Variants in PRKG1 observed in about 807,000 individuals in gnomAD.
PRKG1 encodes the protein protein kinase cGMP-dependent 1.
A neutral mutation model predicts 88.1 loss-of-function variants in PRKG1; 35 were observed. The observed-to-expected ratio is 0.40, with a 90% confidence interval of 0.30 to 0.53. The LOEUF is 0.53. Among genes scored for constraint, PRKG1 ranks in the 20% least tolerant of loss-of-function variants. The probability of loss-of-function intolerance (pLI) is 0.59; values close to 1 mark genes in which losing one functional copy is unlikely to be tolerated. For missense variants in PRKG1, 540 were observed against 839.8 expected (o/e 0.64, Z 4.41); for synonymous variants, 303 against 292.5 (o/e 1.04, Z -0.37).
At chr10:51,442,537 A>G (rs1183779439) in intron 2 of PRKG1, among the ~76,000 whole-genome samples, 1 of 152,048 alleles carries the variant, frequency 6.6e-6, no homozygotes, top group Admixed American at 6.6e-5. Flanking sequence ...ATGACAGTTA[A>G]GATGAGTGAA....
Position 51,106,159 on chromosome 10 carries a change from C to T in PRKG1, c.311+31258C>T, listed in dbSNP as rs192427797. 2.8e-3 allele frequency among the ~76,000 whole-genome samples: 429 copies of T among 152,272 alleles called. 1 individual carries two copies. Among genetic ancestry groups the T allele is most frequent in the Non-Finnish European group, 3.7e-3 (249 of 68,010 alleles). The stretch of plus-strand genomic sequence containing the variant: ...ACTGAATTTTGGATGAGTTATTAAG[C>T]CTCTCTATGCCTCAGTTTCCTTAAT... On this transcript the variant is annotated intron_variant, in intron 1 of 17. Transcript: ENST00000373980.
chr10:51,133,844 A>G (rs1726403054), intron 1 of PRKG1, among the ~76,000 whole-genome samples: 2 of 152,234 alleles, frequency 1.3e-5, no homozygotes, highest in Admixed American at 6.5e-5. Flanking sequence ...TTTTGTGAAA[A>G]AATATATTAA....
chr10:51,898,339 T>C (rs1196184623), intron 4 of PRKG1, among the ~76,000 whole-genome samples: 3 of 152,046 alleles, frequency 2.0e-5, no homozygotes, highest in Non-Finnish European at 4.4e-5. Flanking sequence ...GATATAGATG[T>C]ATATTTAAAA....
chr10:51,409,659 C>A (rs540068082), intron 2 of PRKG1, among the ~76,000 whole-genome samples: 1 of 151,740 alleles, frequency 6.6e-6, no homozygotes, highest in Non-Finnish European at 1.5e-5. Context: ...TCAAGATCAT[C>A]CTGGTCTACA....
chr10:51,388,485 G>A (rs923701803), intron 2 of PRKG1, among the ~76,000 whole-genome samples: 2 of 152,024 alleles, frequency 1.3e-5, no homozygotes, highest in African/African-American at 4.8e-5. Flanking sequence ...ATAGTCTTGA[G>A]CCTCAAGTTA....
At chr10:51,907,110 C>T (rs1842102811) in intron 4 of PRKG1, among the ~76,000 whole-genome samples, 1 of 152,098 alleles carries the variant, frequency 6.6e-6, no homozygotes, top group Non-Finnish European at 1.5e-5. Flanking sequence ...ATGGCCTGAA[C>T]TAGTTTTTCA....
intron 2 of PRKG1, among the ~76,000 whole-genome samples, chr10:51,191,897 T>C (rs1359028190): frequency 6.6e-6 from 1 of 151,772 alleles, no homozygotes; most frequent in East Asian, 1.9e-4. Flanking sequence ...GGATCTACTT[T>C]AATACAAAAT....
At chr10:51,949,196 G>A (rs1216542295) in intron 5 of PRKG1, among the ~76,000 whole-genome samples, 1 of 152,064 alleles carries the variant, frequency 6.6e-6, no homozygotes, top group East Asian at 1.9e-4. Context: ...AAACAAAATA[G>A]CATATATGTT....
At chr10:51,990,403 C>A (rs1844273942) in intron 5 of PRKG1, among the ~76,000 whole-genome samples, 1 of 152,044 alleles carries the variant, frequency 6.6e-6, no homozygotes, top group African/African-American at 2.4e-5. Flanking sequence ...TGTATTGAAT[C>A]TGTAGATAGC....
intron 4 of PRKG1, among the ~76,000 whole-genome samples, chr10:51,873,161 T>C (rs1055579294): frequency 6.6e-6 from 1 of 152,186 alleles, no homozygotes; most frequent in African/African-American, 2.4e-5. Context: ...TTAAACATGA[T>C]AAATATCATT....
intron 4 of PRKG1, among the ~76,000 whole-genome samples, chr10:51,905,420 G>T (rs572296913): frequency 6.6e-6 from 1 of 152,006 alleles, no homozygotes; most frequent in Non-Finnish European, 1.5e-5. Context: ...TTCTTTTATG[G>T]TATCATTGTA....
At chr10:51,110,206 T>C (rs943627149) in intron 1 of PRKG1, among the ~76,000 whole-genome samples, 2 of 152,116 alleles carry the variant, frequency 1.3e-5, no homozygotes, top group African/African-American at 4.8e-5. Context: ...CCTGTGTATT[T>C]ACCCAAGAGA....
chr10:51,601,721 A>ATTTTTTTTTTTTTTTT (rs749205610), intron 3 of PRKG1, among the ~76,000 whole-genome samples: 9 of 43,574 alleles, frequency 2.1e-4, no homozygotes, highest in Non-Finnish European at 2.7e-4. Context: ...GGCAGATTGA[A>ATTTTTTTTTTTTTTTT]TTTTTTTTTT....
chr10:52,162,273 C>T (rs999331997), intron 9 of PRKG1, among the ~76,000 whole-genome samples: 4 of 151,996 alleles, frequency 2.6e-5, no homozygotes, highest in Non-Finnish European at 5.9e-5. Context: ...ACTTTCTGAA[C>T]AAATGGTGGT....
chr10:51,906,892 T>C (rs1180642256), intron 4 of PRKG1, among the ~76,000 whole-genome samples: 2 of 152,220 alleles, frequency 1.3e-5, no homozygotes, highest in Non-Finnish European at 1.5e-5. Context: ...ATGCTATCTG[T>C]CATGTGATTC....
chr10:51,612,185 A>G (rs1461030635), intron 3 of PRKG1, among the ~76,000 whole-genome samples: 1 of 152,034 alleles, frequency 6.6e-6, no homozygotes, highest in Non-Finnish European at 1.5e-5. Flanking sequence ...AAATGACATT[A>G]GTATTTTCAT....
chr10:52,124,772 ATTT>A (rs1291929290), intron 7 of PRKG1, among the ~76,000 whole-genome samples: 1 of 152,030 alleles, frequency 6.6e-6, no homozygotes, highest in Non-Finnish European at 1.5e-5. Flanking sequence ...ATTCTATAAG[ATTT>A]TTTCTATTTT....
chr10:51,076,544 C>T (rs1221677074), intron 1 of PRKG1, among the ~76,000 whole-genome samples: 2 of 152,180 alleles, frequency 1.3e-5, no homozygotes, highest in African/African-American at 4.8e-5. Context: ...TTGAGTGACA[C>T]AGAGCAAACT....
chr10:51,034,669 TATATATATATATATATATATATATA>T lies in PRKG1; in HGVS notation c.266+43026_266+43050del, dbSNP rs1453082748. On this transcript the variant is annotated intron_variant, in intron 1 of 17. Coordinates refer to the PRKG1 transcript ENST00000401604. ...GCAAAATTATATATAATATGTTATT[TATATATATATATATATATATATATA>T]TATATATATATATGCCTTAAAAATT... Among the ~76,000 whole-genome samples the T allele has an allele frequency of 4.8e-4, 14 of 29,228 alleles. No individual in the cohort carries two copies. The East Asian group carries it at 0.02, about 43-fold the overall frequency. 19.2% of individuals were successfully genotyped at this position (29,228 alleles called of 152,430 possible). A position where few individuals can be genotyped will look rare whatever the true frequency, so the allele number is the denominator to read the frequency against.
Sources: gnomAD v4.1 joint callset for allele counts (sites outside exome capture counted in the v4.1 genomes callset) on GRCh38, gnomAD v4.1.1 for gene constraint, MANE v1.5 for transcripts, NCBI Gene and HGNC (gene_info 2026-07-23, HGNC 2026-07-21) for gene names.